Variants in CCDC146 observed in about 807,000 individuals in gnomAD.
CCDC146 encodes the protein coiled-coil domain containing 146.
A neutral mutation model predicts 119.3 loss-of-function variants in CCDC146; 92 were observed. The observed-to-expected ratio is 0.77, with a 90% CI of 0.65 to 0.92. The LOEUF is 0.92. CCDC146 is among the 40% of genes least tolerant of loss of function. CCDC146 has a pLI of 0.00. For missense variants in CCDC146, 1,000 were observed against 1,103.0 expected (o/e 0.91, Z 1.32); for synonymous variants, 372 against 371.8 (o/e 1.00, Z -0.01).
rs950295500 is a variant in CCDC146, at chr7:77,212,922, G to A, written c.157-24025G>A. ...TCCATTATAATCATAGAGCCTTAGT[G>A]CATAAATGTTTTATCCAGGTCACAT... On this transcript the variant is annotated intron_variant, in intron 2 of 18. Transcript: ENST00000285871. 6.9e-5 allele frequency among the ~76,000 whole-genome samples: 10 copies of A among 144,852 alleles called. No individual in the cohort carries two copies. In the South Asian group the frequency reaches 2.0e-3, roughly 28 times the overall value.
chr7:77,198,072 T>G (rs905782832), intron 2 of CCDC146: 1 of 933,288 alleles, frequency 1.1e-6, no homozygotes, highest in Non-Finnish European at 1.3e-6. Context: ...CTTCATATCA[T>G]GACAAGTTGC....
intron 1 of CCDC146, among the ~76,000 whole-genome samples, chr7:77,137,684 G>A (rs1187567739): frequency 6.6e-6 from 1 of 151,596 alleles, no homozygotes; most frequent in Non-Finnish European, 1.5e-5. Context: ...AAATTGATCT[G>A]TAGATTCAAT....
intron 2 of CCDC146, among the ~76,000 whole-genome samples, chr7:77,226,516 A>G (rs1157199894): frequency 6.6e-6 from 1 of 152,172 alleles, no homozygotes; most frequent in Non-Finnish European, 1.5e-5. Flanking sequence ...CCATTTTTGA[A>G]ATTTTTTCCA....
intron 1 of CCDC146, among the ~76,000 whole-genome samples, chr7:77,165,325 T>C (rs997114521): frequency 1.6e-4 from 25 of 152,174 alleles, no homozygotes; most frequent in African/African-American, 6.0e-4. Context: ...TCACCATTTT[T>C]AAATACTTAA....
At chr7:77,161,415 A>C (rs1408016707) in intron 1 of CCDC146, among the ~76,000 whole-genome samples, 1 of 152,024 alleles carries the variant, frequency 6.6e-6, no homozygotes, top group Non-Finnish European at 1.5e-5. Context: ...AGACTGGATT[A>C]AGAAAATGTG....
intron 17 of CCDC146, 77 bp from the exon 18 acceptor site, chr7:77,292,875 T>G: frequency 6.7e-7 from 1 of 1,488,274 alleles, no homozygotes; most frequent in Non-Finnish European, 9.0e-7. Context: ...CCCGCCATTA[T>G]AGACAGCCAG....
At position 77,274,577 on chromosome 7, in the gene CCDC146, A is replaced by T; in HGVS notation, c.1365A>T (p.Val455=). The T allele has an allele frequency of 6.2e-7, 1 of 1,613,632 alleles. No individual in the cohort carries two copies. Among genetic ancestry groups the T allele is most frequent in the Non-Finnish European group, 8.5e-7 (1 of 1,179,694 alleles). The change falls in exon 11 of 19, where the codon GTA becomes GTT. Residue 455 remains valine (V), a synonymous_variant. Coordinates refer to ENST00000285871, the MANE Select transcript of CCDC146 (RefSeq NM_020879.3). Reference sequence around the variant, plus strand: ...AGCAAGAAAACATGAAAGAGCTAGTAGTCAACCTTCTCCGCATGACTCAAA... The same window carrying T: ...AGCAAGAAAACATGAAAGAGCTAGTTGTCAACCTTCTCCGCATGACTCAAA... ...LKEQENMKEL[V]VNLLRMTQIK... is the part of the protein sequence containing the mutation.
intron 1 of CCDC146, among the ~76,000 whole-genome samples, chr7:77,133,841 A>T (rs113533644): frequency 3.3e-5 from 5 of 150,384 alleles, no homozygotes; most frequent in Non-Finnish European, 7.4e-5. Flanking sequence ...ACACACACAC[A>T]CACACACACA....
intron 1 of CCDC146, among the ~76,000 whole-genome samples, chr7:77,131,658 C>T (rs1173348539): frequency 6.6e-6 from 1 of 152,234 alleles, no homozygotes; most frequent in Non-Finnish European, 1.5e-5. Context: ...GTAGAGGTTG[C>T]AGTGAACCAA....
intron 2 of CCDC146, among the ~76,000 whole-genome samples, chr7:77,226,957 G>T (rs1243840106): frequency 6.6e-6 from 1 of 152,188 alleles, no homozygotes; most frequent in Non-Finnish European, 1.5e-5. Context: ...TTGACGTCTA[G>T]ATTATGATTT....
intron 17 of CCDC146, among the ~76,000 whole-genome samples, chr7:77,289,802 T>G (rs1345211381): frequency 6.6e-6 from 1 of 152,222 alleles, no homozygotes; most frequent in Non-Finnish European, 1.5e-5. Flanking sequence ...GAAACTTTGT[T>G]TTCTAATTTA....
chr7:77,217,560 T>TAG (rs200588758), intron 2 of CCDC146, among the ~76,000 whole-genome samples: 1,400 of 137,546 alleles, frequency 0.01, 34 homozygotes, highest in East Asian at 0.091. Context: ...CATATATATA[T>TAG]ATAGAGAGAG....
chr7:77,211,541 G>A (rs1018333038), intron 2 of CCDC146, among the ~76,000 whole-genome samples: 1 of 151,918 alleles, frequency 6.6e-6, no homozygotes. Context: ...CACCTTGAAG[G>A]GTTATTCACC....
intron 2 of CCDC146, chr7:77,193,404 C>T (rs1472515181): frequency 1.3e-5 from 2 of 152,104 alleles, no homozygotes; most frequent in African/African-American, 4.8e-5. Flanking sequence ...AATATTTCCA[C>T]ATTGAAGAAT....
rs1202315272 is a variant in CCDC146, at chr7:77,271,494, T to TATATATATAC, written c.1174-2199_1174-2198insTATATATACA. ...CCTTTTTATTTTATATATATATATA[T>TATATATATAC]ACACACACACTAATAGGAGATATAT... On this transcript the variant is annotated intron_variant, in intron 9 of 18. Transcript: ENST00000285871. Among the ~76,000 whole-genome samples, 9 of 136,692 alleles carry TATATATATAC rather than the reference T, an allele frequency of 6.6e-5. 1 individual carries two copies. The highest frequency in any genetic ancestry group is 2.5e-4 in the African/African-American group (9 of 35,484). The allele number at this position is 136,692 out of a possible 152,430, so 89.7% of individuals were successfully genotyped here. A position where few individuals can be genotyped will look rare whatever the true frequency, so the allele number is the denominator to read the frequency against.
intron 18 of CCDC146, among the ~76,000 whole-genome samples, 194 bp from the exon 19 acceptor site, chr7:77,294,463 GGTGTGT>G (rs61323999): frequency 0.052 from 7,036 of 134,214 alleles, 226 homozygotes; most frequent in East Asian, 0.085. Flanking sequence ...ATGAGAGGTA[GGTGTGT>G]GTGTGTGTGT....
chr7:77,170,464 T>C (rs1343676898), intron 2 of CCDC146, among the ~76,000 whole-genome samples: 8 of 152,206 alleles, frequency 5.3e-5, no homozygotes, highest in Admixed American at 3.9e-4. Context: ...TTTGGTAGAA[T>C]GATCTATTTT....
intron 2 of CCDC146, among the ~76,000 whole-genome samples, chr7:77,200,413 TA>T (rs1393925619): frequency 6.6e-6 from 1 of 152,266 alleles, no homozygotes; most frequent in Non-Finnish European, 1.5e-5. Context: ...AAAAAAGTGC[TA>T]CTTTCTATTC....
At chr7:77,146,278 T>G (rs1334594479) in intron 1 of CCDC146, among the ~76,000 whole-genome samples, 1 of 152,128 alleles carries the variant, frequency 6.6e-6, no homozygotes, top group Non-Finnish European at 1.5e-5. Flanking sequence ...TAGATCTTCC[T>G]CCATCTCTTT....
Sources: allele counts gnomAD v4.1 joint callset (sites outside exome capture counted in the v4.1 genomes callset), GRCh38; gene constraint gnomAD v4.1.1; transcripts MANE v1.5; gene names NCBI Gene and HGNC (gene_info 2026-07-23, HGNC 2026-07-21).